The following TGFBR3 variants were observed in gnomAD, a reference collection of about 807,000 sequenced individuals.
The protein encoded by TGFBR3 is transforming growth factor beta receptor type 3.
In TGFBR3, 46 loss-of-function variants were observed where a neutral mutation model predicts 87.9. The ratio of observed to expected loss-of-function variants is 0.52; its 90% CI spans 0.41 to 0.67. The LOEUF (loss-of-function observed/expected upper bound fraction) is 0.67. Ranked by LOEUF, TGFBR3 falls within the 30% of genes least tolerant of loss-of-function variation. TGFBR3 has a pLI of 0.00. For missense variants in TGFBR3, 866 were observed against 1,041.9 expected, an observed-to-expected ratio of 0.83 and a Z score of 2.32; for synonymous variants, 381 against 391.6, an observed-to-expected ratio of 0.97 and a Z score of 0.32.
At chr1:91,844,270 A>G (rs557222713) in intron 2 of TGFBR3, among the ~76,000 whole-genome samples, 1 of 152,366 alleles carries the variant, frequency 6.6e-6, no homozygotes, top group Admixed American at 6.5e-5. Context: ...CTCACTCTCC[A>G]GGAAAGTCAG....
At chr1:91,804,263 C>G (rs376387322) in intron 2 of TGFBR3, among the ~76,000 whole-genome samples, 1 of 152,206 alleles carries the variant, frequency 6.6e-6, no homozygotes, top group East Asian at 1.9e-4. Context: ...GGCTTCCCCA[C>G]CTTCAACTGT....
At chr1:91,844,335 T>C (rs1163591140) in intron 2 of TGFBR3, among the ~76,000 whole-genome samples, 1 of 152,210 alleles carries the variant, frequency 6.6e-6, no homozygotes. Flanking sequence ...GAGGATAGCA[T>C]TACAGCTCTA....
chr1:91,737,702 C>G (rs1371987031), intron 4 of TGFBR3, among the ~76,000 whole-genome samples: 1 of 152,148 alleles, frequency 6.6e-6, no homozygotes, highest in Non-Finnish European at 1.5e-5. Flanking sequence ...GTCATCTGAC[C>G]TCAATCACAT....
intron 12 of TGFBR3, among the ~76,000 whole-genome samples, chr1:91,715,527 C>G (rs573522083): frequency 6.6e-6 from 1 of 152,214 alleles, no homozygotes; most frequent in African/African-American, 2.4e-5. Flanking sequence ...GCAATACTTA[C>G]AACTCTGTTT....
At chr1:91,817,330 T>C (rs1676268530) in intron 2 of TGFBR3, among the ~76,000 whole-genome samples, 1 of 152,198 alleles carries the variant, frequency 6.6e-6, no homozygotes. Context: ...ATTACACATA[T>C]TAGCACTGTG....
chr1:91,796,475 T>C (rs1242183220), intron 3 of TGFBR3, among the ~76,000 whole-genome samples: 1 of 152,178 alleles, frequency 6.6e-6, no homozygotes, highest in Non-Finnish European at 1.5e-5. Flanking sequence ...ACCGCCACCT[T>C]TGGGAAGCTG....
At chr1:91,872,831 T>TG (rs1173788660) in intron 1 of TGFBR3, among the ~76,000 whole-genome samples, 1 of 152,198 alleles carries the variant, frequency 6.6e-6, no homozygotes, top group Non-Finnish European at 1.5e-5. Flanking sequence ...CTTGTAAGGA[T>TG]GGGGGGACCC....
intron 16 of TGFBR3, among the ~76,000 whole-genome samples, chr1:91,694,813 A>G (rs1050910773): frequency 7.9e-5 from 12 of 152,226 alleles, no homozygotes; most frequent in African/African-American, 2.9e-4. Flanking sequence ...GGATCCAAGA[A>G]CAAACAAGAA....
chr1:91,755,811 C>T (rs903954258), intron 4 of TGFBR3, among the ~76,000 whole-genome samples: 2 of 152,170 alleles, frequency 1.3e-5, no homozygotes, highest in Admixed American at 1.3e-4. Context: ...CTATGACATA[C>T]GTAGCCCACA....
At chr1:91,756,394 C>G (rs776416599) in intron 4 of TGFBR3, among the ~76,000 whole-genome samples, 1 of 152,150 alleles carries the variant, frequency 6.6e-6, no homozygotes, top group African/African-American at 2.4e-5. Flanking sequence ...AGCATAACAG[C>G]TTGTAGAATG....
At chr1:91,843,792 C>T (rs1024322407) in intron 2 of TGFBR3, among the ~76,000 whole-genome samples, 2 of 152,124 alleles carry the variant, frequency 1.3e-5, no homozygotes, top group African/African-American at 2.4e-5. Context: ...GACTCTCTGA[C>T]CTTTCATATG....
At chr1:91,692,796 A>G (rs542442343) in intron 16 of TGFBR3, among the ~76,000 whole-genome samples, 232 of 152,354 alleles carry the variant, frequency 1.5e-3, no homozygotes, top group Middle Eastern at 3.4e-3. Flanking sequence ...AGAGTAACAC[A>G]CATTCCAGGT....
intron 7 of TGFBR3, among the ~76,000 whole-genome samples, chr1:91,726,526 TA>T (rs397861947): frequency 0.23 from 31,741 of 136,016 alleles, 3,557 homozygotes; most frequent in South Asian, 0.32. Context: ...AGCAAAGTTA[TA>T]AAAAAAAAAA....
At chr1:91,790,936 C>T (rs1289507692) in intron 3 of TGFBR3, among the ~76,000 whole-genome samples, 2 of 151,800 alleles carry the variant, frequency 1.3e-5, no homozygotes, top group African/African-American at 2.4e-5. Flanking sequence ...ATCTGAATCT[C>T]GATAATCGAG....
Position 91,736,193 on chromosome 1 carries a change from C to G in TGFBR3, c.385-1234G>C, listed in dbSNP as rs1468652388. 2.6e-5 allele frequency among the ~76,000 whole-genome samples: 4 copies of G among 152,084 alleles called. No homozygotes were observed. In the East Asian group the frequency reaches 7.8e-4, roughly 30 times the overall value. Reference sequence around the variant, plus strand: ...GTTGCAAGCTGAAAACTAGAATCACCTGAAAAGTTTCTAGATATCCTGATG... The same window carrying G: ...GTTGCAAGCTGAAAACTAGAATCACGTGAAAAGTTTCTAGATATCCTGATG... On this transcript the variant is annotated intron_variant, in intron 4 of 16. Coordinates refer to ENST00000212355, the MANE Select transcript of TGFBR3 (RefSeq NM_003243.5).
At chr1:91,747,338 A>G (rs947737507) in intron 4 of TGFBR3, among the ~76,000 whole-genome samples, 1 of 152,126 alleles carries the variant, frequency 6.6e-6, no homozygotes, top group African/African-American at 2.4e-5. Flanking sequence ...CTTAGAGGAG[A>G]GTGAAAAGGA....
intron 1 of TGFBR3, among the ~76,000 whole-genome samples, chr1:91,875,080 T>A (rs1678729076): frequency 6.6e-6 from 1 of 152,120 alleles, no homozygotes; most frequent in Non-Finnish European, 1.5e-5. Flanking sequence ...AATGAAGAAT[T>A]CCATTTGACA....
chr1:91,886,805 C>A (rs940538172), upstream of TGFBR3, among the ~76,000 whole-genome samples: 12 of 152,050 alleles, frequency 7.9e-5, no homozygotes, highest in Admixed American at 5.2e-4. Flanking sequence ...CCCCTGCTAG[C>A]TAAATAAATT....
At chr1:91,686,660 GA>G (rs1393933584) in intron 16 of TGFBR3, among the ~76,000 whole-genome samples, 1 of 152,184 alleles carries the variant, frequency 6.6e-6, no homozygotes, top group East Asian at 1.9e-4. Context: ...TCACCATGAG[GA>G]AGAAAGTTGA....
Sources: gnomAD v4.1 joint callset for allele counts (sites outside exome capture counted in the v4.1 genomes callset) on GRCh38, gnomAD v4.1.1 for gene constraint, MANE v1.5 for transcripts, NCBI Gene and HGNC (gene_info 2026-07-23, HGNC 2026-07-21) for gene names.